UNC13C: variants seen among roughly 807,000 people sequenced by gnomAD.
UNC13C encodes the protein protein unc-13 homolog C.
UNC13C carries 174 observed loss-of-function variants against 245.4 expected under a neutral mutation model. The ratio of observed to expected loss-of-function variants is 0.71; its 90% CI spans 0.63 to 0.80. The LOEUF (loss-of-function observed/expected upper bound fraction) is 0.80, where lower values mean the gene tolerates loss of function less well. Ranked by LOEUF, UNC13C falls within the 30% of genes least tolerant of loss-of-function variation. The pLI is 0.00. For synonymous variants in UNC13C, 992 were observed against 895.1 expected (o/e 1.11, Z -1.93); for missense variants, 2,829 against 2,602.9 (o/e 1.09, Z -1.89).
intron 2 of UNC13C, among the ~76,000 whole-genome samples, chr15:54,095,812 A>G (rs1899829979): frequency 6.6e-6 from 1 of 152,256 alleles, no homozygotes; most frequent in South Asian, 2.1e-4. Context: ...CAAAAGGCTT[A>G]CTTAGTGTCT....
chr15:54,072,675 A>G (rs1342559555), intron 2 of UNC13C, among the ~76,000 whole-genome samples: 3 of 152,152 alleles, frequency 2.0e-5, no homozygotes, highest in Admixed American at 1.3e-4. Context: ...TGGGAAAGGA[A>G]TTTGAATTAT....
At chr15:54,085,931 C>A (rs1442741242) in intron 2 of UNC13C, among the ~76,000 whole-genome samples, 1 of 152,040 alleles carries the variant, frequency 6.6e-6, no homozygotes, top group African/African-American at 2.4e-5. Context: ...ATGTTTGGCC[C>A]CTCCTTTTAT....
chr15:54,147,789 C>CCTGTGT (rs71132783), intron 4 of UNC13C, among the ~76,000 whole-genome samples: 2 of 147,476 alleles, frequency 1.4e-5, no homozygotes, highest in Admixed American at 1.4e-4. Context: ...AAGGTGTGTG[C>CCTGTGT]GTGTGTGTGT....
chr15:54,227,591 A>G (rs1165445645), intron 4 of UNC13C, among the ~76,000 whole-genome samples: 1 of 152,184 alleles, frequency 6.6e-6, no homozygotes, highest in East Asian at 1.9e-4. Flanking sequence ...CTGAGTGCAC[A>G]CACACCAGCC....
At chr15:53,948,497 C>T in the UNC13C span, 1 of 151,864 alleles carries the variant, frequency 6.6e-6, no homozygotes, top group Admixed American at 6.6e-5. Flanking sequence ...ACCTGTAATC[C>T]CAACTATTCA....
chr15:54,356,315 A>G (rs964801005), intron 17 of UNC13C, among the ~76,000 whole-genome samples: 1 of 152,196 alleles, frequency 6.6e-6, no homozygotes, highest in Non-Finnish European at 1.5e-5. Context: ...ATTAACCTCC[A>G]AAGGGGTTTT....
chr15:54,380,801 T>C (rs2039707606), intron 17 of UNC13C, among the ~76,000 whole-genome samples: 1 of 152,170 alleles, frequency 6.6e-6, no homozygotes, highest in Non-Finnish European at 1.5e-5. Context: ...CATGTTTAAT[T>C]GGGTTATTTG....
At chr15:54,300,764 C>A (rs1221078620) in intron 13 of UNC13C, among the ~76,000 whole-genome samples, 3 of 152,174 alleles carry the variant, frequency 2.0e-5, no homozygotes, top group Non-Finnish European at 2.9e-5. Context: ...GAGCCAGTGA[C>A]TTATTCCATA....
At chr15:53,922,254 T>G in the UNC13C span, among the ~76,000 whole-genome samples, 1 of 152,334 alleles carries the variant, frequency 6.6e-6, no homozygotes, top group East Asian at 1.9e-4. Flanking sequence ...CTCCTCATTC[T>G]AATACCAATT....
At chr15:54,414,571 CG>C (rs1188621359) in intron 18 of UNC13C, among the ~76,000 whole-genome samples, 4 of 151,958 alleles carry the variant, frequency 2.6e-5, no homozygotes, top group African/African-American at 9.7e-5. Context: ...TGCTTGAACC[CG>C]GGAGGCAGAG....
At chr15:54,234,552 TTAAA>T (rs1319170655) in intron 4 of UNC13C, among the ~76,000 whole-genome samples, 3 of 152,238 alleles carry the variant, frequency 2.0e-5, no homozygotes, top group Non-Finnish European at 2.9e-5. Context: ...TACCAATATC[TTAAA>T]TATGTCCATG....
intron 4 of UNC13C, among the ~76,000 whole-genome samples, chr15:54,229,631 A>G (rs1463533269): frequency 6.6e-6 from 1 of 152,178 alleles, no homozygotes; most frequent in African/African-American, 2.4e-5. Context: ...TTATGGGGTG[A>G]GTACACTTAA....
the UNC13C span, among the ~76,000 whole-genome samples, chr15:53,899,160 A>T: frequency 3.9e-5 from 6 of 152,172 alleles, no homozygotes; most frequent in Non-Finnish European, 8.8e-5. Flanking sequence ...ATATCCTGTT[A>T]CACTATTGCA....
chr15:54,227,053 T>G (rs2035406023), intron 4 of UNC13C, among the ~76,000 whole-genome samples: 1 of 152,208 alleles, frequency 6.6e-6, no homozygotes, highest in East Asian at 1.9e-4. Context: ...GTCCTTATAC[T>G]TTGTCCAGGA....
intron 2 of UNC13C, among the ~76,000 whole-genome samples, chr15:54,125,641 A>T (rs180944507): frequency 4.0e-4 from 61 of 152,288 alleles, no homozygotes; most frequent in Non-Finnish European, 7.4e-4. Context: ...GGAGTGTAAT[A>T]GGGAAATTTA....
intron 19 of UNC13C, among the ~76,000 whole-genome samples, chr15:54,468,534 G>A (rs1278647132): frequency 4.0e-5 from 6 of 151,488 alleles, no homozygotes; most frequent in South Asian, 4.1e-4. Flanking sequence ...GATCAATGTC[G>A]TGAAGATTTT....
At chr15:54,609,952 AACTC>A (rs1421195984) in intron 30 of UNC13C, among the ~76,000 whole-genome samples, 1 of 152,116 alleles carries the variant, frequency 6.6e-6, no homozygotes, top group Non-Finnish European at 1.5e-5. Context: ...ATCTCATGAT[AACTC>A]ACTCACTGTC....
intron 17 of UNC13C, among the ~76,000 whole-genome samples, chr15:54,380,161 T>C (rs560695412): frequency 4.3e-5 from 6 of 140,802 alleles, no homozygotes; most frequent in Non-Finnish European, 7.8e-5. Flanking sequence ...TAACCACCCC[T>C]GCCCCTGTTA....
chr15:53,956,782 C>T, the UNC13C span, among the ~76,000 whole-genome samples: 64,626 of 150,334 alleles, frequency 0.43, 14,123 homozygotes, highest in East Asian at 0.61. Context: ...GGAAATAGAA[C>T]GGAGAGAAGG....
Sources: allele counts gnomAD v4.1 joint callset (sites outside exome capture counted in the v4.1 genomes callset), GRCh38; gene constraint gnomAD v4.1.1; transcripts MANE v1.5; gene names NCBI Gene and HGNC (gene_info 2026-07-23, HGNC 2026-07-21).